Variants in PTPN23 observed in about 807,000 individuals in gnomAD.
PTPN23 encodes the protein protein tyrosine phosphatase non-receptor type 23.
PTPN23 carries 72 observed loss-of-function variants against 156.3 expected under a neutral mutation model. The ratio of observed to expected loss-of-function variants is 0.46; its 90% CI spans 0.38 to 0.56. The LOEUF (loss-of-function observed/expected upper bound fraction) is 0.56, where lower values mean the gene tolerates loss of function less well. PTPN23 is among the 20% of genes least tolerant of loss of function. PTPN23 has a pLI of 0.00. For synonymous variants in PTPN23, 957 were observed against 899.6 expected (o/e 1.06, Z -1.14); for missense variants, 1,974 against 2,171.5 (o/e 0.91, Z 1.81).
intron 1 of PTPN23, among the ~76,000 whole-genome samples, chr3:47,393,410 C>T (rs957562027): frequency 6.6e-6 from 1 of 152,224 alleles, no homozygotes; most frequent in South Asian, 2.1e-4. Flanking sequence ...GCCTTGGCCT[C>T]CCAAAGTGTT....
intron 1 of PTPN23, among the ~76,000 whole-genome samples, chr3:47,389,440 T>C (rs1704722616): frequency 6.6e-6 from 1 of 151,910 alleles, no homozygotes; most frequent in Admixed American, 6.6e-5. Context: ...GCAAGACCCC[T>C]GTCTCTACAA....
chr3:47,383,546 A>T (rs1157998003), intron 1 of PTPN23, among the ~76,000 whole-genome samples: 1 of 152,180 alleles, frequency 6.6e-6, no homozygotes, highest in Non-Finnish European at 1.5e-5. Context: ...TGTACCCTCT[A>T]CATAGTTGGC....
At chr3:47,386,418 G>A (rs1704653261) in intron 1 of PTPN23, among the ~76,000 whole-genome samples, 2 of 152,090 alleles carry the variant, frequency 1.3e-5, no homozygotes, top group Admixed American at 6.6e-5. Flanking sequence ...TGCCCACCTC[G>A]GTCTCCCAAA....
At position 47,411,039 on chromosome 3, in the gene PTPN23, A is replaced by G; in HGVS notation, c.3241A>G (p.Ser1081Gly). ...GPSSAGQSTP[S>G]PHLVPSPAPS... ...CTCGTCTGCTGGCCAGTCCACCCCTAGTCCCCACCTGGTGCCTTCACCTGC... is the reference window on the plus strand; with the variant it reads ...CTCGTCTGCTGGCCAGTCCACCCCTGGTCCCCACCTGGTGCCTTCACCTGC... The change falls in exon 20 of 25, where the codon AGT (serine) becomes GGT (glycine). Residue 1081 changes from serine to glycine, a missense_variant. Coordinates refer to ENST00000265562, the MANE Select transcript of PTPN23 (RefSeq NM_015466.4). The surrounding 1 kb of genome is among the most constrained non-coding windows in gnomAD (Gnocchi z 6.3). The G allele has an allele frequency of 6.3e-7, 1 of 1,586,664 alleles. No individual in the cohort carries two copies. The highest frequency in any genetic ancestry group is 8.6e-7 in the Non-Finnish European group (1 of 1,167,298).
chr3:47,412,375 T>C lies in PTPN23; in HGVS notation c.4271T>C (p.Leu1424Pro). ...AGNGIPELPQ[L>P]VRRMRQQRKH... ...AACGGAATCCCTGAGCTGCCTCAGC[T>C]GGTGCGGCGCATGCGGCAGCAGAGA... Residue 1424 changes from leucine to proline, a missense_variant, in exon 23 of 25, where the codon CTG becomes CCG. By Grantham distance (98) the Leu-to-Pro change is moderately conservative. This residue lies in a region of PTPN23 where 484 missense variants were observed against 516.0 expected (regional missense o/e 0.94). Transcript: ENST00000265562. 6.2e-7 allele frequency: 1 copy of C among 1,613,178 alleles called. No homozygotes were observed. Among genetic ancestry groups the C allele is most frequent in the Admixed American group, 1.7e-5 (1 of 60,024 alleles).
rs1705181692 is a variant in PTPN23, at chr3:47,408,423, C to T, written c.1263C>T (p.Leu421=). 6.2e-7 allele frequency: 1 copy of T among 1,614,176 alleles called. No individual in the cohort carries two copies. The highest frequency in any genetic ancestry group is 8.5e-7 in the Non-Finnish European group (1 of 1,180,022). Residue 421 remains leucine (L), a synonymous_variant, in exon 15 of 25, where the codon CTC becomes CTT. Transcript: ENST00000265562. ...CCTACAGCCACATCCCACCCCAGCT[C>T]ATGGAGAAGTGCGCGGCTCTCAGCG... The part of the protein sequence containing the change: ...LDAYSHIPPQ[L]MEKCAALSVR...
In PTPN23 at chr3:47,407,668, C is replaced by G. The variant is rs775472839; in HGVS notation, c.1004-29C>G. Reference sequence around the variant, plus strand: ...GGCTGCCTCAAGGACTCTGCGTGGGCCTGATCTCCACAATTCCCACCCCCC... The same window carrying G: ...GGCTGCCTCAAGGACTCTGCGTGGGGCTGATCTCCACAATTCCCACCCCCC... On this transcript the variant is annotated intron_variant, in intron 12 of 24. Coordinates refer to ENST00000265562, the MANE Select transcript of PTPN23 (RefSeq NM_015466.4). The surrounding 1 kb of genome is among the most constrained non-coding windows in gnomAD (Gnocchi z 4.0). 1 of 1,608,800 alleles carries G rather than the reference C, an allele frequency of 6.2e-7. No homozygotes were observed. The highest frequency in any genetic ancestry group is 8.5e-7 in the Non-Finnish European group (1 of 1,175,410).
chr3:47,401,539 T>C (rs1336714742), intron 2 of PTPN23, among the ~76,000 whole-genome samples: 1 of 152,212 alleles, frequency 6.6e-6, no homozygotes, highest in Non-Finnish European at 1.5e-5. Flanking sequence ...TGTGCTATTT[T>C]AGTGAGTATT....
rs1705269809 is a variant in PTPN23 at position 47,410,971 on chromosome 3, G to A, written c.3173G>A (p.Arg1058Lys). The change falls in exon 20 of 25, where the codon AGA (arginine) becomes AAA (lysine). Residue 1058 changes from arginine to lysine, a missense_variant. Around this residue, in one of 4 missense-constraint regions of PTPN23, gnomAD observed 731 missense variants for 669.1 expected, o/e 1.09. Coordinates refer to ENST00000265562, the MANE Select transcript of PTPN23 (RefSeq NM_015466.4). ...PLAYGPAPST[R>K]PMGPQAAPLT... ...GCATATGGTCCTGCCCCTTCTACCAGACCCATGGGCCCCCAGGCAGCCCCT... is the reference window on the plus strand; with the variant it reads ...GCATATGGTCCTGCCCCTTCTACCAAACCCATGGGCCCCCAGGCAGCCCCT... 6.2e-7 allele frequency: 1 copy of A among 1,603,538 alleles called. No homozygotes were observed. The highest frequency in any genetic ancestry group is 1.1e-5 in the South Asian group (1 of 90,660).
At chr3:47,382,112 A>G (rs1704555507) in intron 1 of PTPN23, among the ~76,000 whole-genome samples, 1 of 152,194 alleles carries the variant, frequency 6.6e-6, no homozygotes, top group Admixed American at 6.5e-5. Context: ...GAAGACAAAT[A>G]GGAAAAAGAA....
chr3:47,383,488 AGT>A (rs1411214061), intron 1 of PTPN23, among the ~76,000 whole-genome samples: 1 of 152,146 alleles, frequency 6.6e-6, no homozygotes, highest in African/African-American at 2.4e-5. Flanking sequence ...CCCCTGTTCA[AGT>A]GTGTGTTACC....
At position 47,410,774 on chromosome 3, in the gene PTPN23, A is replaced by G. The variant is rs1234937675; in HGVS notation, c.2976A>G (p.Leu992=). 12 of 1,535,052 alleles carry G rather than the reference A, an allele frequency of 7.8e-6. No homozygotes were observed. Among genetic ancestry groups the G allele is most frequent in the Non-Finnish European group, 1.1e-5 (12 of 1,133,988 alleles). ...TCCCACCCCAGGCCCCAGGACTCCT[A>G]CCCCCACAATCCCCCTACCCCTATG... The part of the protein sequence containing the change: ...HLFPPQAPGL[L]PPQSPYPYAP... Residue 992 remains leucine (L), a synonymous_variant, in exon 20 of 25, where the codon CTA becomes CTG. Transcript: ENST00000265562.
rs1381152390 is a variant in PTPN23, at chr3:47,410,111, T to C, written c.2313T>C (p.Phe771=). Residue 771 remains phenylalanine (F), a synonymous_variant, in exon 20 of 25, where the codon TTT becomes TTC. Coordinates refer to ENST00000265562, the MANE Select transcript of PTPN23 (RefSeq NM_015466.4). The part of the protein sequence containing the change: ...TFLGSATPLH[F]PPSPFPSSTG... ...TGGGAAGTGCCACCCCGCTCCACTT[T>C]CCTCCCAGCCCCTTCCCCAGCTCCA... 6.2e-7 allele frequency: 1 copy of C among 1,602,434 alleles called. No individual in the cohort carries two copies. The highest frequency in any genetic ancestry group is 8.5e-7 in the Non-Finnish European group (1 of 1,173,900).
chr3:47,410,963 T>G lies in PTPN23; in HGVS notation c.3165T>G (p.Pro1055=). The change falls in exon 20 of 25, where the codon CCT becomes CCG. Residue 1055 remains proline (P), a synonymous_variant. Coordinates refer to ENST00000265562, the MANE Select transcript of PTPN23 (RefSeq NM_015466.4). ...PHPPLAYGPA[P]STRPMGPQAA... ...CCCCACTGGCATATGGTCCTGCCCC[T>G]TCTACCAGACCCATGGGCCCCCAGG... The G allele has an allele frequency of 6.3e-7, 1 of 1,586,978 alleles. No homozygotes were observed. The highest frequency in any genetic ancestry group is 8.6e-7 in the Non-Finnish European group (1 of 1,168,574).
Position 47,412,971 on chromosome 3 carries a change from A to C in PTPN23, c.4697A>C (p.Glu1566Ala). Reference protein sequence around the residue: ...PQPKEEPPVPEAPSSGPPSSS... With the variant: ...PQPKEEPPVPAAPSSGPPSSS... ...CCTAAGGAGGAGCCGCCAGTGCCTG[A>C]AGCCCCCAGCTCGGGGCCCCCCTCC... Residue 1566 changes from glutamate (E) to alanine (A), a missense_variant, in exon 25 of 25, where the codon GAA (glutamate) becomes GCA (alanine). Physicochemically the swap from Glu to Ala is moderately radical, Grantham distance 107. Coordinates refer to ENST00000265562, the MANE Select transcript of PTPN23 (RefSeq NM_015466.4). 1.3e-6 allele frequency: 2 copies of C among 1,562,910 alleles called. No individual in the cohort carries two copies. Among genetic ancestry groups the C allele is most frequent in the Middle Eastern group, 1.7e-4 (1 of 5,834 alleles).
At chr3:47,397,087 C>G (rs112367629) in intron 2 of PTPN23, among the ~76,000 whole-genome samples, 1 of 152,118 alleles carries the variant, frequency 6.6e-6, no homozygotes, top group Non-Finnish European at 1.5e-5. Context: ...AAAGGCCAGC[C>G]AGTGAAGCAG....
chr3:47,384,424 C>G (rs1197941304), intron 1 of PTPN23, among the ~76,000 whole-genome samples: 1 of 139,412 alleles, frequency 7.2e-6, no homozygotes, highest in Non-Finnish European at 1.5e-5. Flanking sequence ...TGCCACTGCA[C>G]TCCAGCCTGG....
At position 47,410,703 on chromosome 3, in the gene PTPN23, C is replaced by A. The variant is rs963864804; in HGVS notation, c.2905C>A (p.Pro969Thr). Reference protein sequence around the residue: ...PQPHPSQAFGPQPPQQPLPLQ... With the variant: ...PQPHPSQAFGTQPPQQPLPLQ... ...GCCCCATCCTTCACAAGCGTTTGGG[C>A]CTCAGCCCCCACAGCAGCCCCTTCC... Residue 969 changes from proline (P) to threonine (T), a missense_variant, in exon 20 of 25, where the codon CCT becomes ACT. This residue lies in a region of PTPN23 where 731 missense variants were observed against 669.1 expected (regional missense o/e 1.09). Transcript: ENST00000265562. 6 of 1,599,004 alleles carry A rather than the reference C, an allele frequency of 3.8e-6. No individual in the cohort carries two copies. The African/African-American group carries it at 8.1e-5, about 22-fold the overall frequency.
At chr3:47,408,019 C>G in intron 14 of PTPN23, 64 bp downstream of exon 14, 1 of 1,543,944 alleles carries the variant, frequency 6.5e-7, no homozygotes, top group Non-Finnish European at 8.9e-7. Context: ...CTGGGGGCCC[C>G]AGGGCTGCCT....
Sources: allele counts gnomAD v4.1 joint callset (sites outside exome capture counted in the v4.1 genomes callset), GRCh38; gene constraint gnomAD v4.1.1; regional missense constraint gnomAD v4.1.1; non-coding constraint Gnocchi (gnomAD v3.1); transcripts MANE v1.5; gene names NCBI Gene and HGNC (gene_info 2026-07-23, HGNC 2026-07-21).